The following PPP2R5C variants were observed in gnomAD, a reference collection of about 807,000 sequenced individuals.
The protein encoded by PPP2R5C is serine/threonine-protein phosphatase 2A 56 kDa regulatory subunit gamma isoform.
PPP2R5C carries 7 observed loss-of-function variants against 68.9 expected under a neutral mutation model. That is an observed-to-expected ratio of 0.10 (90% CI 0.06 to 0.19). The LOEUF (loss-of-function observed/expected upper bound fraction) is 0.19, where lower values mean the gene tolerates loss of function less well. Ranked by LOEUF, PPP2R5C falls within the 10% of genes least tolerant of loss-of-function variation. The pLI, the probability that PPP2R5C is intolerant of heterozygous loss-of-function variation, is 1.00. For missense variants in PPP2R5C, 348 were observed against 641.3 expected (o/e 0.54, Z 4.94); for synonymous variants, 210 against 222.2 (o/e 0.95, Z 0.49).
At position 101,790,040 on chromosome 14, in the gene PPP2R5C, C is replaced by T. The variant is rs548012689; in HGVS notation, c.259+3857C>T. 28 of 151,218 alleles carry T rather than the reference C, an allele frequency of 1.9e-4. 1 individual carries two copies. The East Asian group carries it at 3.7e-3, about 20-fold the overall frequency. 9.4% of individuals were successfully genotyped at this position (151,218 alleles called of 1,614,324 possible). A position where few individuals can be genotyped will look rare whatever the true frequency, so the allele number is the denominator to read the frequency against. On this transcript the variant is annotated intron_variant, in intron 3 of 14. Coordinates refer to the PPP2R5C transcript ENST00000328724. ...TTCTTTTGACTGTTCTGTTTGTGTT[C>T]AGTATTATTCATCTGTACTTTTATC...
chr14:101,878,367 C>T (rs1351573314), intron 2 of PPP2R5C, among the ~76,000 whole-genome samples: 1 of 152,206 alleles, frequency 6.6e-6, no homozygotes, highest in Non-Finnish European at 1.5e-5. Flanking sequence ...ACCTTGCAGG[C>T]CCTCAGCTCA....
upstream of PPP2R5C, among the ~76,000 whole-genome samples, chr14:101,806,116 A>G (rs1296528776): frequency 2.0e-5 from 3 of 152,012 alleles, no homozygotes; most frequent in Non-Finnish European, 4.4e-5. Context: ...TTTTACCTTA[A>G]GTTCTGGGAT....
intron 11 of PPP2R5C, among the ~76,000 whole-genome samples, chr14:101,910,558 T>C (rs536907087): frequency 3.9e-5 from 6 of 152,218 alleles, no homozygotes; most frequent in Admixed American, 6.5e-5. Flanking sequence ...CTGGGCCGGG[T>C]GCGGTGGCTC....
chr14:101,774,820 G>A (rs1216464751), intron 2 of PPP2R5C, among the ~76,000 whole-genome samples: 1 of 152,170 alleles, frequency 6.6e-6, no homozygotes, highest in African/African-American at 2.4e-5. Context: ...GTCCTGGCAC[G>A]AGAATCAGTA....
At chr14:101,815,732 T>G (rs1227836120) in intron 1 of PPP2R5C, among the ~76,000 whole-genome samples, 1 of 152,178 alleles carries the variant, frequency 6.6e-6, no homozygotes, top group African/African-American at 2.4e-5. Context: ...TGCAGTGGCG[T>G]GATCTCGGCT....
chr14:101,913,640 G>A lies in PPP2R5C; in HGVS notation c.1326+1167G>A, dbSNP rs1349905656. ...GTAGCTATAGGCGTCTCCTTTTAAC[G>A]AATTGAATTTATGTTGAAAGTGTGG... On this transcript the variant is annotated intron_variant, in intron 12 of 13. Coordinates refer to ENST00000334743, the Ensembl canonical transcript of PPP2R5C. This position sits in a 1 kb window ranked among gnomAD's most constrained non-coding sequence, Gnocchi z 4.1. 1.3e-5 allele frequency among the ~76,000 whole-genome samples: 2 copies of A among 152,140 alleles called. No individual in the cohort carries two copies. Among genetic ancestry groups the A allele is most frequent in the African/African-American group, 2.4e-5 (1 of 41,422 alleles).
At chr14:101,884,462 G>A (rs1255266135) in intron 5 of PPP2R5C, among the ~76,000 whole-genome samples, 1 of 152,134 alleles carries the variant, frequency 6.6e-6, no homozygotes, top group African/African-American at 2.4e-5. Context: ...CATTCTTCCC[G>A]TGGAGTCTCA....
rs182764237 is a variant in PPP2R5C, at chr14:101,825,509, G to C, written c.94+15473G>C. On this transcript the variant is annotated intron_variant, in intron 1 of 13. Coordinates refer to ENST00000334743, the Ensembl canonical transcript of PPP2R5C. This position sits in a 1 kb window ranked among gnomAD's most constrained non-coding sequence, Gnocchi z 4.0. ...CCAGCTTTTGCCCAGCCTATTTGGG[G>C]TGCACACGCTCATCGATGAGGGCAA... 6.6e-6 allele frequency among the ~76,000 whole-genome samples: 1 copy of C among 152,220 alleles called. No individual in the cohort carries two copies. Among genetic ancestry groups the C allele is most frequent in the East Asian group, 1.9e-4 (1 of 5,184 alleles).
intron 1 of PPP2R5C, chr14:101,839,054 A>C (rs2041295568): frequency 7.3e-6 from 1 of 136,348 alleles, no homozygotes; most frequent in Non-Finnish European, 1.6e-5. Flanking sequence ...AAATTAGAAA[A>C]GAAAAAAAAA....
chr14:101,766,689 T>C (rs952649509), intron 2 of PPP2R5C: 1 of 152,236 alleles, frequency 6.6e-6, no homozygotes, highest in Non-Finnish European at 1.5e-5. Flanking sequence ...CCACTACTTA[T>C]TGCTGATTTA....
intron 5 of PPP2R5C, among the ~76,000 whole-genome samples, chr14:101,889,507 A>G (rs552419037): frequency 7.9e-5 from 12 of 152,336 alleles, no homozygotes; most frequent in African/African-American, 2.9e-4. Context: ...CCCTGGGAAC[A>G]TAGTCACGAG....
chr14:101,816,918 T>A lies in PPP2R5C; in HGVS notation c.94+6882T>A, dbSNP rs2039743883. ...TATATAAATATATATATAATATATA[T>A]ATTTATATAATATATATAATATAAA... On this transcript the variant is annotated intron_variant, in intron 1 of 13. Coordinates refer to ENST00000334743, the Ensembl canonical transcript of PPP2R5C. 2.1e-5 allele frequency among the ~76,000 whole-genome samples: 3 copies of A among 141,156 alleles called. No individual in the cohort carries two copies. In the South Asian group the frequency reaches 6.4e-4, roughly 30 times the overall value. The allele number at this position is 141,156 out of a possible 152,430, so 92.6% of individuals were successfully genotyped here.
At chr14:101,839,827 G>A (rs2140408086) in intron 1 of PPP2R5C, among the ~76,000 whole-genome samples, 1 of 152,312 alleles carries the variant, frequency 6.6e-6, no homozygotes, top group South Asian at 2.1e-4. Context: ...TGCTGGACAC[G>A]GGGGTGTGGG....
intron 1 of PPP2R5C, among the ~76,000 whole-genome samples, chr14:101,850,230 GAGA>G (rs1190463013): frequency 1.3e-5 from 2 of 152,310 alleles, no homozygotes; most frequent in African/African-American, 2.4e-5. Context: ...AGATAAGAAA[GAGA>G]AGAACAATGT....
At chr14:101,925,474 G>A in exon 14 of PPP2R5C, 4 of 892,504 alleles carry the variant, frequency 4.5e-6, no homozygotes, top group Non-Finnish European at 6.4e-6. Flanking sequence ...GCAGAGCCGC[G>A]GGTTGACGAC....
At chr14:101,776,718 C>G (rs558073426) in intron 2 of PPP2R5C, among the ~76,000 whole-genome samples, 1 of 152,256 alleles carries the variant, frequency 6.6e-6, no homozygotes, top group Non-Finnish European at 1.5e-5. Flanking sequence ...CCCCTTCCCC[C>G]AGCCTCTAGC....
chr14:101,890,054 A>C (rs1300894534), intron 5 of PPP2R5C, 183 bp from the exon 8 acceptor site: 1 of 697,080 alleles, frequency 1.4e-6, no homozygotes, highest in East Asian at 2.8e-5. Context: ...CCCTCGAGGC[A>C]TTTACAGCTG....
chr14:101,816,870 T>TTATA (rs562594859), intron 1 of PPP2R5C, among the ~76,000 whole-genome samples: 1 of 139,154 alleles, frequency 7.2e-6, no homozygotes, highest in South Asian at 2.1e-4. Flanking sequence ...ATATATTTAT[T>TTATA]TATATATATA....
intron 11 of PPP2R5C, 103 bp downstream of exon 13, chr14:101,909,793 A>C: frequency 1.4e-6 from 1 of 698,068 alleles, no homozygotes; most frequent in Non-Finnish European, 2.2e-6. Flanking sequence ...TTCACTCGAA[A>C]GCAAAACCAA....
Sources: gnomAD v4.1 joint callset for allele counts (sites outside exome capture counted in the v4.1 genomes callset) on GRCh38, gnomAD v4.1.1 for gene constraint, Gnocchi (gnomAD v3.1) non-coding constraint, MANE v1.5 for transcripts, NCBI Gene and HGNC (gene_info 2026-07-23, HGNC 2026-07-21) for gene names.